Variants in CDH13 observed in about 807,000 individuals in gnomAD.
CDH13 encodes the protein cadherin-13.
A neutral mutation model predicts 63.8 loss-of-function variants in CDH13; 24 were observed. The observed-to-expected ratio is 0.38, with a 90% CI of 0.27 to 0.53. The LOEUF is 0.53. Among genes scored for constraint, CDH13 ranks in the 20% least tolerant of loss-of-function variants. The probability of loss-of-function intolerance (pLI) is 0.85; values close to 1 mark genes in which losing one functional copy is unlikely to be tolerated. For missense variants in CDH13, 1,049 were observed against 903.1 expected (o/e 1.16, Z -2.07); for synonymous variants, 503 against 355.3 (o/e 1.42, Z -4.67).
intron 6 of CDH13, among the ~76,000 whole-genome samples, chr16:83,345,544 T>C (rs1054225280): frequency 6.6e-6 from 1 of 152,214 alleles, no homozygotes; most frequent in African/African-American, 2.4e-5. Flanking sequence ...TAAATGCATG[T>C]GCCTACTGTT....
At chr16:82,648,497 T>C (rs1317772210) in intron 1 of CDH13, among the ~76,000 whole-genome samples, 1 of 152,104 alleles carries the variant, frequency 6.6e-6, no homozygotes. Context: ...ATAAAGATGA[T>C]GATAATGGCA....
chr16:83,391,975 T>TG (rs2091795809), intron 6 of CDH13, among the ~76,000 whole-genome samples: 1 of 152,174 alleles, frequency 6.6e-6, no homozygotes, highest in Non-Finnish European at 1.5e-5. Context: ...GAAATGTATG[T>TG]GGGGCAACTC....
intron 3 of CDH13, among the ~76,000 whole-genome samples, chr16:83,058,336 G>C (rs1307993556): frequency 1.3e-5 from 2 of 152,220 alleles, no homozygotes; most frequent in Non-Finnish European, 2.9e-5. Context: ...TTTTGTTCAA[G>C]TGGGGTTTTC....
intron 6 of CDH13, among the ~76,000 whole-genome samples, chr16:83,455,225 A>G (rs2072989877): frequency 6.6e-6 from 1 of 152,200 alleles, no homozygotes; most frequent in Non-Finnish European, 1.5e-5. Flanking sequence ...TGAACAATAC[A>G]ACTTGGACCA....
chr16:82,866,377 C>CTTTTTTTTTTTTTTTTTTTTTTTTTTT (rs538206338), intron 2 of CDH13, among the ~76,000 whole-genome samples: 3 of 58,298 alleles, frequency 5.1e-5, no homozygotes, highest in African/African-American at 8.7e-5. Flanking sequence ...TTTTCTTCTT[C>CTTTTTTTTTTTTTTTTTTTTTTTTTTT]TTTTTTTTTT....
chr16:83,195,871 G>T (rs2038864052), intron 4 of CDH13, among the ~76,000 whole-genome samples: 1 of 152,178 alleles, frequency 6.6e-6, no homozygotes, highest in Non-Finnish European at 1.5e-5. Flanking sequence ...GTGGAGGAAG[G>T]ATAGATCCTT....
At chr16:83,600,108 GGAGCAAAATTACCAGAATTCTT>G (rs1306203103) in intron 7 of CDH13, among the ~76,000 whole-genome samples, 1 of 152,126 alleles carries the variant, frequency 6.6e-6, no homozygotes, top group African/African-American at 2.4e-5. Context: ...AAACCAGCCA[GGAGCAAAATTACCAGAATTCTT>G]GAACCAGGCA....
At chr16:82,763,481 A>G (rs967056535) in intron 1 of CDH13, among the ~76,000 whole-genome samples, 4 of 152,188 alleles carry the variant, frequency 2.6e-5, no homozygotes, top group African/African-American at 9.7e-5. Context: ...TTGCTGAATG[A>G]AAGAAAAAAT....
At chr16:82,813,294 G>A (rs55937308) in intron 1 of CDH13, among the ~76,000 whole-genome samples, 10,283 of 152,164 alleles carry the variant, frequency 0.068, 393 homozygotes, top group Middle Eastern at 0.095. Context: ...ATGCTGATGC[G>A]TTTAGGGCTT....
At chr16:82,979,343 C>T (rs563856395) in intron 2 of CDH13, among the ~76,000 whole-genome samples, 6 of 152,140 alleles carry the variant, frequency 3.9e-5, no homozygotes, top group Middle Eastern at 3.4e-3. Context: ...TGTGAGTACA[C>T]GGGATTTTGG....
intron 5 of CDH13, among the ~76,000 whole-genome samples, chr16:83,252,501 C>G (rs1469848295): frequency 2.0e-5 from 3 of 152,018 alleles, no homozygotes; most frequent in African/African-American, 7.3e-5. Flanking sequence ...CACGCCTATT[C>G]TTAAAGTGAA....
chr16:83,746,416 C>G lies in CDH13; in HGVS notation c.1539-1692C>G, dbSNP rs532838142. 1.4e-4 allele frequency among the ~76,000 whole-genome samples: 22 copies of G among 152,298 alleles called. 1 individual carries two copies. The highest frequency in any genetic ancestry group is 5.1e-4 in the African/African-American group (21 of 41,560). ...ATTGCATTTAGCAAACCACAAACAACCCCAAGATAACTCAAAATAATCTCA... is the reference window on the plus strand; with the variant it reads ...ATTGCATTTAGCAAACCACAAACAAGCCCAAGATAACTCAAAATAATCTCA... On this transcript the variant is annotated intron_variant, in intron 10 of 13. Coordinates refer to ENST00000567109, the MANE Select transcript of CDH13 (RefSeq NM_001257.5).
At chr16:83,186,569 ATTTGC>A (rs1567488944) in intron 4 of CDH13, among the ~76,000 whole-genome samples, 1 of 151,236 alleles carries the variant, frequency 6.6e-6, no homozygotes, top group Non-Finnish European at 1.5e-5. Flanking sequence ...TCTTTTTGTT[ATTTGC>A]TTTATGTTTG....
chr16:83,446,450 TAG>T (rs2072691933), intron 6 of CDH13, among the ~76,000 whole-genome samples: 2 of 152,348 alleles, frequency 1.3e-5, no homozygotes, highest in East Asian at 3.9e-4. Context: ...CACTCAGTGT[TAG>T]AGTTTTGTGC....
intron 2 of CDH13, among the ~76,000 whole-genome samples, chr16:83,025,791 C>T (rs537328230): frequency 6.6e-6 from 1 of 152,232 alleles, no homozygotes; most frequent in African/African-American, 2.4e-5. Flanking sequence ...CCAGGAATGG[C>T]TGGGAAATGT....
chr16:83,589,903 CTTCCAAAGGATAAGTGATTGT>C (rs1238143926), intron 7 of CDH13, among the ~76,000 whole-genome samples: 1 of 151,566 alleles, frequency 6.6e-6, no homozygotes, highest in Non-Finnish European at 1.5e-5. Flanking sequence ...AAGTGATTAT[CTTCCAAAGGATAAGTGATTGT>C]TTCCTGGGGC....
chr16:83,264,279 G>T (rs570344375), intron 5 of CDH13, among the ~76,000 whole-genome samples: 1 of 152,220 alleles, frequency 6.6e-6, no homozygotes, highest in African/African-American at 2.4e-5. Context: ...CAAACTTTCT[G>T]TTGGATCACA....
At chr16:82,917,338 A>T (rs2042021970) in intron 2 of CDH13, among the ~76,000 whole-genome samples, 2 of 152,174 alleles carry the variant, frequency 1.3e-5, no homozygotes, top group East Asian at 1.9e-4. Context: ...GGGAAAGAAC[A>T]TTTCAACTCA....
chr16:83,024,311 T>C (rs1915606343), intron 2 of CDH13, among the ~76,000 whole-genome samples: 1 of 152,218 alleles, frequency 6.6e-6, no homozygotes, highest in African/African-American at 2.4e-5. Flanking sequence ...CCTGGCATAT[T>C]CAACAGGTAT....
Sources: gnomAD v4.1 joint callset for allele counts (sites outside exome capture counted in the v4.1 genomes callset) on GRCh38, gnomAD v4.1.1 for gene constraint, MANE v1.5 for transcripts, NCBI Gene and HGNC (gene_info 2026-07-23, HGNC 2026-07-21) for gene names.